Variants in SRSF6 observed in about 807,000 individuals in gnomAD.
SRSF6 encodes the protein serine and arginine rich splicing factor 6.
Under a neutral mutation model 42.0 loss-of-function variants are expected in SRSF6, and 17 were observed. The observed-to-expected ratio is 0.40, with a 90% CI of 0.28 to 0.61. SRSF6 has a LOEUF of 0.61. Ranked by LOEUF, SRSF6 falls within the 20% of genes least tolerant of loss-of-function variation. The pLI is 0.37. For synonymous variants in SRSF6, 204 were observed against 166.7 expected, an observed-to-expected ratio of 1.22 and a Z score of -1.72; for missense variants, 379 against 471.4, an observed-to-expected ratio of 0.80 and a Z score of 1.81.
At chr20:43,459,300 A>T in intron 2 of SRSF6, 2 of 1,352,142 alleles carry the variant, frequency 1.5e-6, no homozygotes, top group Non-Finnish European at 2.0e-6. Flanking sequence ...GCCTTTTGCC[A>T]TTAGACGCAG....
Position 43,460,686 on chromosome 20 carries a change from G to T in SRSF6, c.675-17G>T. 3.1e-6 allele frequency: 5 copies of T among 1,612,006 alleles called. No individual in the cohort carries two copies. Among genetic ancestry groups the T allele is most frequent in the Non-Finnish European group, 4.2e-6 (5 of 1,178,354 alleles). ...ATTCTCACTAAGTATTGAGAAAATC[G>T]GTCTTTCCTTGTCCAGTTCCAGGTC... On this transcript the variant is annotated splice_polypyrimidine_tract_variant and intron_variant, in intron 5 of 5. Transcript: ENST00000244020.
rs1280632619 is a variant in SRSF6 at position 43,461,459 on chromosome 20, C to G, written c.*396C>G. ...AATTAACTGTTTTGAGCTTTGAATA[C>G]TTAAGGCTTTAGAGGGAGAACCCAA... is the stretch of plus-strand genomic sequence containing the variant. On this transcript the variant is annotated 3_prime_UTR_variant, in exon 6 of 6. Transcript: ENST00000244020. The G allele has an allele frequency of 6.6e-6, 1 of 150,594 alleles. No individual in the cohort carries two copies. The highest frequency in any genetic ancestry group is 2.5e-5 in the African/African-American group (1 of 40,032). 9.3% of individuals were successfully genotyped at this position (150,594 alleles called of 1,614,324 possible).
At position 43,462,549 on chromosome 20, in the gene SRSF6, C is replaced by A. The variant is rs2017621102; in HGVS notation, c.*1486C>A. On this transcript the variant is annotated 3_prime_UTR_variant, in exon 6 of 6. Transcript: ENST00000244020. ...GCATGGTCGTACACTGCTCATTGTG[C>A]CACAGGTGTGACTGGAAAGCATGAT... 1 of 152,116 alleles carries A rather than the reference C, an allele frequency of 6.6e-6. No individual in the cohort carries two copies. The highest frequency in any genetic ancestry group is 6.6e-5 in the Admixed American group (1 of 15,266). 9.4% of individuals were successfully genotyped at this position (152,116 alleles called of 1,614,324 possible).
Position 43,463,173 on chromosome 20 carries a change from G to A in SRSF6, c.*2110G>A, listed in dbSNP as rs1568903191. ...CCACAGTAAGCAGGTCATTGTATAG[G>A]TAAATGCCTGCACCCATAATTTTCT... On this transcript the variant is annotated 3_prime_UTR_variant, in exon 6 of 6. Coordinates refer to ENST00000244020, the MANE Select transcript of SRSF6 (RefSeq NM_006275.6). 1 of 154,386 alleles carries A rather than the reference G, an allele frequency of 6.5e-6. No individual in the cohort carries two copies. Among genetic ancestry groups the A allele is most frequent in the Non-Finnish European group, 1.5e-5 (1 of 68,210 alleles). 9.6% of individuals were successfully genotyped at this position (154,386 alleles called of 1,614,324 possible).
rs999887185 is a variant in SRSF6 at position 43,463,542 on chromosome 20, C to T, written c.*2479C>T. On this transcript the variant is annotated 3_prime_UTR_variant, in exon 6 of 6. Coordinates refer to ENST00000244020, the MANE Select transcript of SRSF6 (RefSeq NM_006275.6). ...TACGTTCCCATTCCTGTGTTACCAC[C>T]TTCCTCCCGATTTGTTCACCTATTT... 2 of 152,866 alleles carry T rather than the reference C, an allele frequency of 1.3e-5. No individual in the cohort carries two copies. 9.5% of individuals were successfully genotyped at this position (152,866 alleles called of 1,614,324 possible).
chr20:43,461,061 T>A lies in SRSF6; in HGVS notation c.1033T>A (p.Ter345LysextTer16), dbSNP rs766931213. 5 of 1,570,744 alleles carry A rather than the reference T, an allele frequency of 3.2e-6. No individual in the cohort carries two copies. Among genetic ancestry groups the A allele is most frequent in the Non-Finnish European group, 4.3e-6 (5 of 1,160,768 alleles). Residue 345 changes from the stop codon to lysine (K), a stop_lost, in exon 6 of 6, where the codon TAA becomes AAA. Coordinates refer to ENST00000244020, the MANE Select transcript of SRSF6 (RefSeq NM_006275.6). ...AAGGTCCAGGTCGAGTTCCAGAGAT[T>A]AACTCAGAACTCCTTGTTTGCACAT... Reference protein sequence around the residue: ...RSRSRSSSRD* With the variant: ...RSRSRSSSRDK
In SRSF6 at chr20:43,460,251, T is replaced by C; in HGVS notation, c.590+10T>C. 6.2e-7 allele frequency: 1 copy of C among 1,613,632 alleles called. No individual in the cohort carries two copies. Among genetic ancestry groups the C allele is most frequent in the Non-Finnish European group, 8.5e-7 (1 of 1,179,532 alleles). ...CTGGAAGCAGATCCAGGTAACTTGTTGAAGGACACTGTGGGAAGGAAACAA... is the reference window on the plus strand; with the variant it reads ...CTGGAAGCAGATCCAGGTAACTTGTCGAAGGACACTGTGGGAAGGAAACAA... On this transcript the variant is annotated intron_variant, in intron 4 of 5. Transcript: ENST00000244020.
Position 43,459,840 on chromosome 20 carries a change from A to G in SRSF6, c.326A>G (p.Glu109Gly). The G allele has an allele frequency of 6.2e-7, 1 of 1,611,994 alleles. No homozygotes were observed. Among genetic ancestry groups the G allele is most frequent in the Non-Finnish European group, 8.5e-7 (1 of 1,179,540 alleles). Residue 109 changes from glutamate to glycine, a missense_variant, in exon 3 of 6, where the codon GAA becomes GGA. Transcript: ENST00000244020. Reference sequence around the variant, plus strand: ...AAATACGGACCACCTGTTCGTACAGAATACAGGCTTATTGTAGAAAATCTT... The same window carrying G: ...AAATACGGACCACCTGTTCGTACAGGATACAGGCTTATTGTAGAAAATCTT... ...RDKYGPPVRT[E>G]YRLIVENLSS...
rs1180059496 is a variant in SRSF6 at position 43,460,944 on chromosome 20, C to A, written c.916C>A (p.Pro306Thr). Residue 306 changes from proline to threonine, a missense_variant, in exon 6 of 6, where the codon CCT becomes ACT. Physicochemically the swap from Pro to Thr is conservative, Grantham distance 38 (BLOSUM62 -1). This residue lies in a region of SRSF6 where 219 missense variants were observed against 216.1 expected (regional missense o/e 1.01). Transcript: ENST00000244020. Reference sequence around the variant, plus strand: ...CCAGTCCCGTTCCAATTCGCCGCTACCTGTTCCACCCTCAAAGGCCCGTTC... The same window carrying A: ...CCAGTCCCGTTCCAATTCGCCGCTAACTGTTCCACCCTCAAAGGCCCGTTC... ...RSQSRSNSPLPVPPSKARSVS... is the reference protein window; with the variant it reads ...RSQSRSNSPLTVPPSKARSVS... 4.3e-6 allele frequency: 7 copies of A among 1,614,188 alleles called. No homozygotes were observed. Among genetic ancestry groups the A allele is most frequent in the Non-Finnish European group, 5.9e-6 (7 of 1,180,028 alleles).
At chr20:43,459,534 C>T (rs1463829802) in intron 2 of SRSF6, 15 of 1,316,112 alleles carry the variant, frequency 1.1e-5, no homozygotes, top group Middle Eastern at 5.6e-4. Context: ...CGAGGTAAAT[C>T]GAATAAAGGA....
chr20:43,459,912 A>G lies in SRSF6; in HGVS notation c.381+17A>G, dbSNP rs6017078. On this transcript the variant is annotated intron_variant, in intron 3 of 5. Transcript: ENST00000244020. ...GATTTAAAGGTATGTTTTGTAATTC[A>G]AGATAGAAATGATATGACTAATGCT... The G allele has an allele frequency of 0.015, 24,393 of 1,598,948 alleles. 1,351 individuals carry two copies. Among genetic ancestry groups the G allele is most frequent in the African/African-American group, 0.12 (8,821 of 74,068 alleles).
At chr20:43,459,499 C>G (rs1205531425) in intron 2 of SRSF6, 1 of 1,298,102 alleles carries the variant, frequency 7.7e-7, no homozygotes, top group Non-Finnish European at 9.9e-7. Flanking sequence ...TTATATTTTA[C>G]AATGTTCTGT....
At chr20:43,460,631 T>C (rs750711174) in intron 5 of SRSF6, 33 bp downstream of exon 5, 3 of 1,613,686 alleles carry the variant, frequency 1.9e-6, no homozygotes, top group Non-Finnish European at 2.5e-6. Context: ...ACTGTGAATA[T>C]TACCGTACTT....
Position 43,461,682 on chromosome 20 carries a change from T to G in SRSF6, c.*619T>G, listed in dbSNP as rs1259214640. The G allele has an allele frequency of 2.0e-5, 3 of 152,670 alleles. No homozygotes were observed. The highest frequency in any genetic ancestry group is 2.0e-4 in the Admixed American group (3 of 15,284). 9.5% of individuals were successfully genotyped at this position (152,670 alleles called of 1,614,324 possible). ...TCAGACCAGCAATAAATTACTCAGT[T>G]TGGATAACATTATTTTGTGCAGTTA... On this transcript the variant is annotated 3_prime_UTR_variant, in exon 6 of 6. Transcript: ENST00000244020.
chr20:43,458,535 C>A, intron 2 of SRSF6, 26 bp downstream of exon 2: 2 of 1,475,434 alleles, frequency 1.4e-6, no homozygotes, highest in Non-Finnish European at 1.8e-6. Context: ...GCGCGCTCCG[C>A]GCCCTTGGGG....
Position 43,461,199 on chromosome 20 carries a change from A to C in SRSF6, c.*136A>C. ...GCACACAGAAATTTGATTTGTGGCC[A>C]AATTGGATGAAAAAGATGAGGCTCT... On this transcript the variant is annotated 3_prime_UTR_variant, in exon 6 of 6. Coordinates refer to ENST00000244020, the MANE Select transcript of SRSF6 (RefSeq NM_006275.6). The C allele has an allele frequency of 7.8e-7, 1 of 1,279,740 alleles. No individual in the cohort carries two copies. The highest frequency in any genetic ancestry group is 1.5e-5 in the African/African-American group (1 of 65,696). 79.3% of individuals were successfully genotyped at this position (1,279,740 alleles called of 1,614,324 possible).
At position 43,458,379 on chromosome 20, in the gene SRSF6, C is replaced by G; in HGVS notation, c.126C>G (p.Phe42Leu). 1.3e-6 allele frequency: 2 copies of G among 1,561,048 alleles called. No homozygotes were observed. The highest frequency in any genetic ancestry group is 2.6e-5 in the East Asian group (1 of 38,800). ...DLKNGYGFVE[F>L]EDSRDADDAV... ...CCCCTAGGTACGGCTTCGTGGAGTT[C>G]GAGGACTCCCGCGACGCCGACGACG... Residue 42 changes from phenylalanine (F) to leucine (L), a missense_variant, in exon 2 of 6, where the codon TTC becomes TTG. Around this residue, in one of 3 missense-constraint regions of SRSF6, gnomAD observed 117 missense variants for 146.8 expected, o/e 0.80. Transcript: ENST00000244020.
In SRSF6 at chr20:43,462,121, T is replaced by G. The variant is rs2017612621; in HGVS notation, c.*1058T>G. On this transcript the variant is annotated 3_prime_UTR_variant, in exon 6 of 6. Coordinates refer to ENST00000244020, the MANE Select transcript of SRSF6 (RefSeq NM_006275.6). ...TCCACCCAGTAGTCAGTCCCCTTTG[T>G]AGTTAGTGGGATTATTTGATAATTG... The G allele has an allele frequency of 6.6e-6, 1 of 152,234 alleles. No individual in the cohort carries two copies. The highest frequency in any genetic ancestry group is 1.5e-5 in the Non-Finnish European group (1 of 68,042). 9.4% of individuals were successfully genotyped at this position (152,234 alleles called of 1,614,324 possible). A position where few individuals can be genotyped will look rare whatever the true frequency, so the allele number is the denominator to read the frequency against.
chr20:43,460,304 A>G, intron 4 of SRSF6, 63 bp downstream of exon 4: 1 of 1,554,948 alleles, frequency 6.4e-7, no homozygotes, highest in Non-Finnish European at 8.8e-7. Flanking sequence ...GGAGTAATTG[A>G]GTGATGTCAA....
Sources: allele counts gnomAD v4.1 joint callset, GRCh38; gene constraint gnomAD v4.1.1; regional missense constraint gnomAD v4.1.1; transcripts MANE v1.5; gene names NCBI Gene and HGNC (gene_info 2026-07-23, HGNC 2026-07-21).